IRF2: variants seen among roughly 807,000 people sequenced by gnomAD.
IRF2 encodes the protein interferon regulatory factor 2.
A neutral mutation model predicts 40.6 loss-of-function variants in IRF2; 15 were observed. The observed-to-expected ratio is 0.37, with a 90% CI of 0.25 to 0.57. The LOEUF (loss-of-function observed/expected upper bound fraction) is 0.57. IRF2 is among the 20% of genes least tolerant of loss of function. The pLI is 0.77. For missense variants in IRF2, 317 were observed against 455.7 expected, an observed-to-expected ratio of 0.70 and a Z score of 2.77; for synonymous variants, 151 against 165.5, an observed-to-expected ratio of 0.91 and a Z score of 0.67.
intron 1 of IRF2, among the ~76,000 whole-genome samples, chr4:184,473,344 G>T (rs552430478): frequency 6.7e-6 from 1 of 148,648 alleles, no homozygotes; most frequent in Non-Finnish European, 1.5e-5. Context: ...CGCCCGCTCC[G>T]TAGCCGAGGC....
chr4:184,407,364 T>C (rs1274176151), intron 6 of IRF2: 13 of 628,230 alleles, frequency 2.1e-5, no homozygotes, highest in Non-Finnish European at 1.9e-5. Flanking sequence ...TTTTGGGCAC[T>C]ATTCCTGTGC....
At chr4:184,428,047 C>G (rs1241812035) in intron 2 of IRF2, among the ~76,000 whole-genome samples, 1 of 152,084 alleles carries the variant, frequency 6.6e-6, no homozygotes, top group Non-Finnish European at 1.5e-5. Context: ...TTCATTTTTG[C>G]CGACATTATC....
chr4:184,458,063 C>G (rs1739009034), intron 1 of IRF2, among the ~76,000 whole-genome samples: 1 of 152,306 alleles, frequency 6.6e-6, no homozygotes, highest in Admixed American at 6.5e-5. Context: ...TCTTGCTGTT[C>G]TTTCAACCAA....
intron 2 of IRF2, among the ~76,000 whole-genome samples, chr4:184,421,640 G>A (rs1250139204): frequency 6.6e-6 from 1 of 151,836 alleles, no homozygotes; most frequent in Non-Finnish European, 1.5e-5. Context: ...GAGTTCTAGG[G>A]TGACACAATC....
chr4:184,390,112 C>G (rs913017283), intron 8 of IRF2, among the ~76,000 whole-genome samples: 1 of 152,208 alleles, frequency 6.6e-6, no homozygotes, highest in Non-Finnish European at 1.5e-5. Flanking sequence ...CCCTCTCTCT[C>G]TCTCATTCAC....
intron 7 of IRF2, among the ~76,000 whole-genome samples, chr4:184,396,426 ATT>A (rs59546735): frequency 0.05 from 7,041 of 139,674 alleles, 179 homozygotes; most frequent in South Asian, 0.065. Context: ...ATATATATAT[ATT>A]TTTTTTTCTT....
intron 1 of IRF2, among the ~76,000 whole-genome samples, chr4:184,468,570 G>T (rs775283489): frequency 6.6e-6 from 1 of 152,194 alleles, no homozygotes; most frequent in Admixed American, 6.5e-5. Context: ...GGGCAAGTGG[G>T]CAGAGCCAAC....
Position 184,413,027 on chromosome 4 carries a change from C to T in IRF2, c.412-4752G>A, listed in dbSNP as rs1016383974. On this transcript the variant is annotated intron_variant, in intron 5 of 8. Transcript: ENST00000393593. This position sits in a 1 kb window ranked among gnomAD's most constrained non-coding sequence, Gnocchi z 4.2. The stretch of plus-strand genomic sequence containing the variant: ...CGAAACACCCTCTCCACAAAACGAC[C>T]TGCATTCCCAACACTCGCTTCTGAA... Among the ~76,000 whole-genome samples the T allele has an allele frequency of 6.6e-6, 1 of 152,178 alleles. No homozygotes were observed. Among genetic ancestry groups the T allele is most frequent in the Admixed American group, 6.5e-5 (1 of 15,284 alleles).
At chr4:184,404,925 G>A (rs1356798983) in intron 6 of IRF2, among the ~76,000 whole-genome samples, 2 of 152,176 alleles carry the variant, frequency 1.3e-5, no homozygotes, top group African/African-American at 4.8e-5. Flanking sequence ...TACACGAAGG[G>A]AAGCACAGGA....
At chr4:184,417,337 G>A (rs1279082570) in intron 5 of IRF2, among the ~76,000 whole-genome samples, 1 of 152,176 alleles carries the variant, frequency 6.6e-6, no homozygotes, top group Non-Finnish European at 1.5e-5. Flanking sequence ...TAGTAAAAGT[G>A]AAACTGAAAG....
In IRF2 at chr4:184,388,683, A is replaced by G. The variant is rs1322462542; in HGVS notation, c.*75T>C. 2.1e-6 allele frequency: 3 copies of G among 1,459,042 alleles called. No homozygotes were observed. Among genetic ancestry groups the G allele is most frequent in the Non-Finnish European group, 2.8e-6 (3 of 1,070,370 alleles). 90.4% of individuals were successfully genotyped at this position (1,459,042 alleles called of 1,614,324 possible). On this transcript the variant is annotated 3_prime_UTR_variant, in exon 9 of 9. Coordinates refer to ENST00000393593, the MANE Select transcript of IRF2 (RefSeq NM_002199.4). This position sits in a 1 kb window ranked among gnomAD's most constrained non-coding sequence, Gnocchi z 4.6. ...GATTTGTCTAAAATAGGTGTCAGAG[A>G]GAAAAAAATAAAATACAAACAAACA...
Position 184,429,076 on chromosome 4 carries a change from G to A in IRF2, c.-6-6C>T, listed in dbSNP as rs1737774784. 6.2e-7 allele frequency: 1 copy of A among 1,612,952 alleles called. No homozygotes were observed. The highest frequency in any genetic ancestry group is 8.5e-7 in the Non-Finnish European group (1 of 1,179,042). Reference sequence around the variant, plus strand: ...CTTTCCACCGGCATGGTGCCCTTGAGGGAGAGAAACACAGCGTCAGGCGTT... The same window carrying A: ...CTTTCCACCGGCATGGTGCCCTTGAAGGAGAGAAACACAGCGTCAGGCGTT... On this transcript the variant is annotated splice_region_variant and splice_polypyrimidine_tract_variant and intron_variant, in intron 1 of 8. Coordinates refer to ENST00000393593, the MANE Select transcript of IRF2 (RefSeq NM_002199.4).
chr4:184,466,562 A>G (rs576191407), intron 1 of IRF2, among the ~76,000 whole-genome samples: 1 of 152,338 alleles, frequency 6.6e-6, no homozygotes, highest in Admixed American at 6.5e-5. Context: ...AACAGTACCA[A>G]GGAAGATCAG....
At position 184,388,161 on chromosome 4, in the gene IRF2, G is replaced by A. The variant is rs1208629399; in HGVS notation, c.*597C>T. ...GAAATTCATTTCCTTCTTCTCCTCC[G>A]GATGTGGAATGGAAGCTTTGAGGGA... On this transcript the variant is annotated 3_prime_UTR_variant, in exon 9 of 9. Coordinates refer to ENST00000393593, the MANE Select transcript of IRF2 (RefSeq NM_002199.4). This position sits in a 1 kb window ranked among gnomAD's most constrained non-coding sequence, Gnocchi z 4.6. 5 of 150,006 alleles carry A rather than the reference G, an allele frequency of 3.3e-5. No individual in the cohort carries two copies. The highest frequency in any genetic ancestry group is 2.1e-4 in the East Asian group (1 of 4,858). The allele number at this position is 150,006 out of a possible 1,614,324, so 9.3% of individuals were successfully genotyped here. A position where few individuals can be genotyped will look rare whatever the true frequency, so the allele number is the denominator to read the frequency against.
chr4:184,444,565 T>C (rs1738434451), intron 1 of IRF2, among the ~76,000 whole-genome samples: 1 of 152,200 alleles, frequency 6.6e-6, no homozygotes, highest in Non-Finnish European at 1.5e-5. Flanking sequence ...AAATTTATGG[T>C]CAACATTGTT....
chr4:184,429,091 C>A (rs372111946), intron 1 of IRF2, 21 bp from the exon 2 acceptor site: 2 of 1,598,856 alleles, frequency 1.3e-6, no homozygotes, highest in Non-Finnish European at 1.7e-6. Flanking sequence ...AGAAACACAG[C>A]GTCAGGCGTT....
chr4:184,438,189 G>A (rs567137021), intron 1 of IRF2, among the ~76,000 whole-genome samples: 30 of 152,216 alleles, frequency 2.0e-4, no homozygotes, highest in African/African-American at 7.2e-4. Flanking sequence ...TTCTACAGAT[G>A]AGGAAATGAA....
intron 2 of IRF2, among the ~76,000 whole-genome samples, chr4:184,424,496 G>A (rs60751183): frequency 0.068 from 10,298 of 152,186 alleles, 741 homozygotes; most frequent in East Asian, 0.21. Flanking sequence ...GGATTAATGA[G>A]TTGTCATGAG....
chr4:184,466,904 G>A (rs1739349150), intron 1 of IRF2, among the ~76,000 whole-genome samples: 2 of 152,158 alleles, frequency 1.3e-5, no homozygotes, highest in East Asian at 3.8e-4. Context: ...ACAATGGCAA[G>A]TATCTGTGTA....
Sources: gnomAD v4.1 joint callset for allele counts (sites outside exome capture counted in the v4.1 genomes callset) on GRCh38, gnomAD v4.1.1 for gene constraint, Gnocchi (gnomAD v3.1) non-coding constraint, MANE v1.5 for transcripts, NCBI Gene and HGNC (gene_info 2026-07-23, HGNC 2026-07-21) for gene names.